The following IMMP1L variants were observed in gnomAD, a reference collection of about 807,000 sequenced individuals.
IMMP1L encodes mitochondrial inner membrane protease subunit 1.
IMMP1L carries 24 observed loss-of-function variants against 21.8 expected under a neutral mutation model. The observed-to-expected ratio is 1.10, with a 90% CI of 0.80 to 1.55. The LOEUF (loss-of-function observed/expected upper bound fraction) is 1.55, where lower values mean the gene tolerates loss of function less well. IMMP1L is among the 40% of genes most tolerant of loss of function. The pLI, the probability that IMMP1L is intolerant of heterozygous loss-of-function variation, is 0.00. For synonymous variants in IMMP1L, 46 were observed against 62.8 expected, an observed-to-expected ratio of 0.73 and a Z score of 1.26; for missense variants, 195 against 200.7, an observed-to-expected ratio of 0.97 and a Z score of 0.17.
chr11:31,457,997 T>G (rs978855589), intron 3 of IMMP1L, among the ~76,000 whole-genome samples: 3 of 152,176 alleles, frequency 2.0e-5, no homozygotes, highest in African/African-American at 7.2e-5. Flanking sequence ...GCAAAGATTG[T>G]AACACGCCAT....
chr11:31,439,119 A>G (rs1953227473), intron 4 of IMMP1L, among the ~76,000 whole-genome samples: 2 of 152,084 alleles, frequency 1.3e-5, no homozygotes, highest in African/African-American at 4.8e-5. Context: ...TCTTTGTATT[A>G]GGCCAGAACT....
chr11:31,477,987 G>T (rs954891303), intron 1 of IMMP1L, among the ~76,000 whole-genome samples: 2 of 152,168 alleles, frequency 1.3e-5, no homozygotes, highest in Non-Finnish European at 1.5e-5. Context: ...ATCTCTGCTA[G>T]TATCTGGGGA....
intron 4 of IMMP1L, among the ~76,000 whole-genome samples, chr11:31,439,497 G>A (rs1953245445): frequency 6.6e-6 from 1 of 152,074 alleles, no homozygotes; most frequent in African/African-American, 2.4e-5. Context: ...GTGTTTTAGA[G>A]TGCTTCTCTG....
chr11:31,470,996 C>T (rs979426142), intron 1 of IMMP1L, among the ~76,000 whole-genome samples: 1 of 152,132 alleles, frequency 6.6e-6, no homozygotes, highest in African/African-American at 2.4e-5. Flanking sequence ...GAGGGACTGG[C>T]TAACAGACGC....
intron 1 of IMMP1L, among the ~76,000 whole-genome samples, chr11:31,509,071 T>G (rs1000743447): frequency 6.6e-6 from 1 of 152,320 alleles, no homozygotes; most frequent in South Asian, 2.1e-4. Context: ...AGGAAAGACA[T>G]CCAAGACTTC....
At chr11:31,461,806 A>T (rs916876112) in intron 2 of IMMP1L, among the ~76,000 whole-genome samples, 1 of 152,198 alleles carries the variant, frequency 6.6e-6, no homozygotes, top group Admixed American at 6.5e-5. Context: ...TCTGGTCCCA[A>T]GCATTTCAGA....
At chr11:31,507,600 T>C (rs774617322) in intron 1 of IMMP1L, among the ~76,000 whole-genome samples, 3 of 152,166 alleles carry the variant, frequency 2.0e-5, no homozygotes, top group South Asian at 2.1e-4. Context: ...ATCTTACTCA[T>C]AGGTGGAATC....
intron 1 of IMMP1L, among the ~76,000 whole-genome samples, chr11:31,488,818 C>T (rs1049148705): frequency 1.3e-5 from 2 of 152,056 alleles, no homozygotes; most frequent in Non-Finnish European, 2.9e-5. Context: ...AAACCTGCCT[C>T]ATAGTCAATT....
At chr11:31,479,002 G>C (rs576401338) in intron 1 of IMMP1L, among the ~76,000 whole-genome samples, 8 of 152,026 alleles carry the variant, frequency 5.3e-5, no homozygotes, top group African/African-American at 1.7e-4. Context: ...TTTATAATCA[G>C]CTTCTTCCAC....
chr11:31,489,192 C>A (rs979408848), intron 1 of IMMP1L, among the ~76,000 whole-genome samples: 1 of 151,996 alleles, frequency 6.6e-6, no homozygotes, highest in Non-Finnish European at 1.5e-5. Context: ...TCACCGCACC[C>A]GGCCAAAAAG....
intron 1 of IMMP1L, among the ~76,000 whole-genome samples, chr11:31,500,708 T>A (rs974244856): frequency 1.3e-5 from 2 of 152,066 alleles, no homozygotes; most frequent in African/African-American, 4.8e-5. Flanking sequence ...GACACTTTTT[T>A]TTTTCAACCT....
chr11:31,442,320 C>T (rs940060164), intron 4 of IMMP1L, among the ~76,000 whole-genome samples: 2 of 152,098 alleles, frequency 1.3e-5, no homozygotes, highest in Admixed American at 6.5e-5. Flanking sequence ...TCATGGCCTG[C>T]GGGTGTCCAT....
Position 31,456,396 on chromosome 11 carries a change from A to G in IMMP1L, c.195-10T>C, listed in dbSNP as rs1473235697. On this transcript the variant is annotated splice_polypyrimidine_tract_variant and intron_variant, in intron 3 of 5. Transcript: ENST00000532287. Reference sequence around the variant, plus strand: ...AATCACAATGTCACCTCTGAGGGGGAAAAGTCAAAGAAATGTCTGTATTAT... The same window carrying G: ...AATCACAATGTCACCTCTGAGGGGGGAAAGTCAAAGAAATGTCTGTATTAT... 1 of 1,605,088 alleles carries G rather than the reference A, an allele frequency of 6.2e-7. No homozygotes were observed. Among genetic ancestry groups the G allele is most frequent in the South Asian group, 1.1e-5 (1 of 90,196 alleles).
At chr11:31,500,129 T>A (rs1955571313) in intron 1 of IMMP1L, among the ~76,000 whole-genome samples, 1 of 152,012 alleles carries the variant, frequency 6.6e-6, no homozygotes, top group Admixed American at 6.6e-5. Context: ...ACCAATAAAT[T>A]AAGTCCTACC....
intron 1 of IMMP1L, among the ~76,000 whole-genome samples, chr11:31,496,655 CTT>C (rs1311616443): frequency 2.0e-5 from 3 of 150,354 alleles, no homozygotes; most frequent in East Asian, 1.9e-4. Context: ...AATATGTTAT[CTT>C]ATATATATGT....
intron 1 of IMMP1L, among the ~76,000 whole-genome samples, chr11:31,487,479 T>A (rs1252751557): frequency 6.6e-6 from 1 of 152,146 alleles, no homozygotes; most frequent in East Asian, 1.9e-4. Context: ...TCACACATTT[T>A]AAAATAATTT....
intron 1 of IMMP1L, among the ~76,000 whole-genome samples, chr11:31,508,056 C>T (rs1955837333): frequency 6.6e-6 from 1 of 152,116 alleles, no homozygotes; most frequent in Non-Finnish European, 1.5e-5. Flanking sequence ...CTAATGGATG[C>T]TGGGCTTAAT....
rs749145606 is a variant in IMMP1L at position 31,463,280 on chromosome 11, T to A, written c.-4A>T. On this transcript the variant is annotated 5_prime_UTR_variant, in exon 2 of 6. Transcript: ENST00000532287. ...TCCCCAGAACACCACGAAGCATAGT[T>A]CTATGTAGACTCTGCCACCATTGGC... 6.2e-7 allele frequency: 1 copy of A among 1,607,168 alleles called. No homozygotes were observed. The highest frequency in any genetic ancestry group is 1.1e-5 in the South Asian group (1 of 89,306).
At chr11:31,445,310 A>G (rs1392854251) in intron 4 of IMMP1L, among the ~76,000 whole-genome samples, 1 of 152,142 alleles carries the variant, frequency 6.6e-6, no homozygotes, top group East Asian at 1.9e-4. Context: ...TATTCGTGGC[A>G]CTCCACTTAA....
Sources: gnomAD v4.1 joint callset for allele counts (sites outside exome capture counted in the v4.1 genomes callset) on GRCh38, gnomAD v4.1.1 for gene constraint, MANE v1.5 for transcripts, NCBI Gene and HGNC (gene_info 2026-07-23, HGNC 2026-07-21) for gene names.